EDA: variants seen among roughly 807,000 people sequenced by gnomAD.
EDA encodes ectodysplasin-A.
A neutral mutation model predicts 23.6 loss-of-function variants in EDA; 2 were observed. The ratio of observed to expected loss-of-function variants is 0.08; its 90% CI spans 0.03 to 0.27. The LOEUF is 0.27. EDA is among the 10% of genes least tolerant of loss of function. The probability of loss-of-function intolerance (pLI) is 1.00; values close to 1 mark genes in which losing one functional copy is unlikely to be tolerated. For synonymous variants in EDA, 131 were observed against 132.0 expected (o/e 0.99, Z 0.05); for missense variants, 229 against 324.2 (o/e 0.71, Z 2.26).
In EDA at chrX:70,038,143, A is replaced by C. The variant is rs2020289520; in HGVS notation, c.*2534A>C. 9.0e-6 allele frequency: 1 copy of C among 111,189 alleles called. No homozygotes were observed. The highest frequency in any genetic ancestry group is 3.3e-5 in the African/African-American group (1 of 30,522). 9.2% of individuals were successfully genotyped at this position (111,189 alleles called of 1,213,427 possible). A position where few individuals can be genotyped will look rare whatever the true frequency, so the allele number is the denominator to read the frequency against. The stretch of plus-strand genomic sequence containing the variant: ...AAGAGAGGACTGGTTCTGAGGCCAG[A>C]AAGGTGTGAGGAGAGAGGAGGAAAA... On this transcript the variant is annotated 3_prime_UTR_variant, in exon 8 of 8. Transcript: ENST00000374552.
chrX:69,978,872 A>G (rs2019361746), intron 2 of EDA, among the ~76,000 whole-genome samples: 3 of 111,889 alleles, frequency 2.7e-5, no homozygotes, highest in African/African-American at 9.8e-5. Flanking sequence ...ACATATATCA[A>G]TACTTCATTC....
intron 1 of EDA, among the ~76,000 whole-genome samples, chrX:69,821,181 G>A (rs1461826902): frequency 2.8e-5 from 3 of 106,685 alleles, no homozygotes; most frequent in Non-Finnish European, 5.8e-5. Context: ...TCTTATAAGT[G>A]GGAGGGTTAT....
intron 1 of EDA, among the ~76,000 whole-genome samples, chrX:69,940,902 G>T (rs999121760): frequency 1.8e-5 from 2 of 111,521 alleles, no homozygotes; most frequent in African/African-American, 6.5e-5. Flanking sequence ...TATTGTAGGT[G>T]CTTATTGTTA....
chrX:70,008,375 A>G (rs1370255537), intron 2 of EDA, among the ~76,000 whole-genome samples: 1 of 112,362 alleles, frequency 8.9e-6, no homozygotes, highest in Admixed American at 9.4e-5. Flanking sequence ...GCATTTTGTC[A>G]AAAATCCTTT....
chrX:69,843,747 G>A (rs1447083909), intron 1 of EDA, among the ~76,000 whole-genome samples: 3 of 111,520 alleles, frequency 2.7e-5, no homozygotes, highest in Non-Finnish European at 5.6e-5. Flanking sequence ...AAATAGCCGG[G>A]TGCGGTGGCT....
chrX:69,679,455 A>G (rs1304226710), intron 1 of EDA, among the ~76,000 whole-genome samples: 6 of 110,039 alleles, frequency 5.5e-5, no homozygotes, highest in Non-Finnish European at 1.1e-4. Flanking sequence ...CTGGTCCTGG[A>G]CTCTTGGGTT....
chrX:69,766,818 C>T (rs1449866192), intron 1 of EDA, among the ~76,000 whole-genome samples: 1 of 112,333 alleles, frequency 8.9e-6, no homozygotes. Flanking sequence ...AGTAATGGGA[C>T]TACTGGATCG....
intron 1 of EDA, among the ~76,000 whole-genome samples, chrX:69,828,301 C>G (rs994914365): frequency 1.8e-5 from 2 of 112,085 alleles, no homozygotes; most frequent in Admixed American, 9.4e-5. Context: ...CTCCCAGCCT[C>G]GCTGCCGCCT....
At chrX:69,877,018 T>A (rs1376678067) in intron 1 of EDA, among the ~76,000 whole-genome samples, 12 of 112,608 alleles carry the variant, frequency 1.1e-4, no homozygotes, top group Admixed American at 9.4e-5. Flanking sequence ...CAAACTGTTT[T>A]GCAAAATGAC....
intron 1 of EDA, among the ~76,000 whole-genome samples, chrX:69,629,908 C>G (rs146391725): frequency 1.6e-3 from 183 of 111,466 alleles, no homozygotes; most frequent in Non-Finnish European, 2.9e-3. Flanking sequence ...ACTCACGTGC[C>G]AGGTCACGAG....
chrX:70,011,286 C>A (rs942721691), intron 2 of EDA, among the ~76,000 whole-genome samples: 3 of 110,496 alleles, frequency 2.7e-5, no homozygotes, highest in African/African-American at 9.9e-5. Flanking sequence ...TGATTTGTTT[C>A]ACATATCCAC....
At chrX:69,804,171 A>G (rs898348171) in intron 1 of EDA, among the ~76,000 whole-genome samples, 1 of 111,034 alleles carries the variant, frequency 9.0e-6, no homozygotes, top group Non-Finnish European at 1.9e-5. Flanking sequence ...CTTTGGATCA[A>G]TTCCCGGTAG....
chrX:69,620,979 T>C, intron 1 of EDA: 1 of 355,871 alleles, frequency 2.8e-6, no homozygotes, highest in South Asian at 2.7e-5. Context: ...AATGTTTCAC[T>C]GATTTCTAGA....
At chrX:69,637,907 G>A (rs1022530601) in intron 1 of EDA, among the ~76,000 whole-genome samples, 3 of 110,631 alleles carry the variant, frequency 2.7e-5, no homozygotes, top group Non-Finnish European at 5.7e-5. Flanking sequence ...GTCTTAGCAG[G>A]AAATTCATGG....
At chrX:69,682,174 C>T (rs995330510) in intron 1 of EDA, among the ~76,000 whole-genome samples, 1 of 112,476 alleles carries the variant, frequency 8.9e-6, no homozygotes, top group Non-Finnish European at 1.9e-5. Context: ...GGCAGTCTGC[C>T]TGTTCTCAGA....
intron 2 of EDA, among the ~76,000 whole-genome samples, chrX:69,968,745 A>G (rs1026007620): frequency 6.2e-5 from 7 of 112,425 alleles, no homozygotes; most frequent in Admixed American, 1.9e-4. Context: ...CTTCTACTAT[A>G]CCAATATCTG....
At chrX:69,833,681 T>G (rs767412295) in intron 1 of EDA, among the ~76,000 whole-genome samples, 1 of 111,027 alleles carries the variant, frequency 9.0e-6, no homozygotes, top group Non-Finnish European at 1.9e-5. Context: ...CCTGGAATGT[T>G]TTTGGTTGGT....
At chrX:69,760,006 G>A (rs1384611216) in intron 1 of EDA, among the ~76,000 whole-genome samples, 3 of 108,593 alleles carry the variant, frequency 2.8e-5, no homozygotes, top group African/African-American at 1.0e-4. Flanking sequence ...CAAATACCAC[G>A]TCTTTAAAGA....
chrX:69,930,084 T>A, intron 1 of EDA, among the ~76,000 whole-genome samples: 1 of 111,420 alleles, frequency 9.0e-6, no homozygotes. Flanking sequence ...TCTCACTAGG[T>A]AGGTGGTGAG....
Sources: gnomAD v4.1 joint callset for allele counts (sites outside exome capture counted in the v4.1 genomes callset) on GRCh38, gnomAD v4.1.1 for gene constraint, MANE v1.5 for transcripts, NCBI Gene and HGNC (gene_info 2026-07-23, HGNC 2026-07-21) for gene names.